CCDC158: variants seen among roughly 807,000 people sequenced by gnomAD.
CCDC158 encodes the protein coiled-coil domain containing 158.
A neutral mutation model predicts 138.6 loss-of-function variants in CCDC158; 116 were observed. The ratio of observed to expected loss-of-function variants is 0.84; its 90% CI spans 0.72 to 0.98. The LOEUF is 0.98. Ranked by LOEUF, CCDC158 falls within the 50% of genes least tolerant of loss-of-function variation. The probability of loss-of-function intolerance (pLI) is 0.00; values close to 1 mark genes in which losing one functional copy is unlikely to be tolerated. For synonymous variants in CCDC158, 436 were observed against 442.4 expected, an observed-to-expected ratio of 0.99 and a Z score of 0.18; for missense variants, 1,265 against 1,306.1, an observed-to-expected ratio of 0.97 and a Z score of 0.48.
intron 4 of CCDC158, among the ~76,000 whole-genome samples, chr4:76,394,681 C>T (rs1727616256): frequency 6.6e-6 from 1 of 151,798 alleles, no homozygotes; most frequent in Non-Finnish European, 1.5e-5. Context: ...GATGGAAACC[C>T]AATTTTTCAT....
At chr4:76,408,945 GC>G (rs1447717374) in intron 2 of CCDC158, among the ~76,000 whole-genome samples, 3 of 152,130 alleles carry the variant, frequency 2.0e-5, no homozygotes, top group African/African-American at 7.2e-5. Context: ...GTGATGATGA[GC>G]ATTTTTTCAC....
chr4:76,345,262 G>A (rs1050811272), intron 18 of CCDC158: 15 of 936,880 alleles, frequency 1.6e-5, no homozygotes, highest in South Asian at 2.6e-5. Flanking sequence ...GAGCTCCAAC[G>A]ATACTACATG....
chr4:76,371,143 A>G (rs1179249590), intron 10 of CCDC158, among the ~76,000 whole-genome samples: 1 of 152,190 alleles, frequency 6.6e-6, no homozygotes, highest in African/African-American at 2.4e-5. Flanking sequence ...ACACTACTTC[A>G]ATTTAATGGA....
intron 12 of CCDC158, among the ~76,000 whole-genome samples, chr4:76,366,931 G>A (rs1250392379): frequency 3.9e-5 from 6 of 152,048 alleles, no homozygotes; most frequent in Non-Finnish European, 8.8e-5. Context: ...AGATATCGAA[G>A]CCAAGATTCA....
At chr4:76,336,681 C>CA (rs1721542241) in intron 18 of CCDC158, among the ~76,000 whole-genome samples, 1 of 152,168 alleles carries the variant, frequency 6.6e-6, no homozygotes, top group Non-Finnish European at 1.5e-5. Context: ...ACAAGCATAA[C>CA]ATAACCTTGT....
chr4:76,407,537 T>C (rs1478751227), intron 2 of CCDC158, among the ~76,000 whole-genome samples: 2 of 152,140 alleles, frequency 1.3e-5, no homozygotes, highest in African/African-American at 4.8e-5. Flanking sequence ...ACGAGTTTCA[T>C]TGTGAATGTT....
chr4:76,362,349 G>C, intron 12 of CCDC158, 34 bp from the exon 13 acceptor site: 1 of 1,498,280 alleles, frequency 6.7e-7, no homozygotes, highest in Admixed American at 1.8e-5. Flanking sequence ...GGATAGAGAA[G>C]TAAAAAATAT....
intron 24 of CCDC158, among the ~76,000 whole-genome samples, chr4:76,315,389 C>T (rs1198120775): frequency 6.6e-6 from 1 of 152,170 alleles, no homozygotes; most frequent in East Asian, 1.9e-4. Context: ...CTGCACATCA[C>T]CCGATAAACC....
intron 18 of CCDC158, among the ~76,000 whole-genome samples, chr4:76,340,479 A>G (rs1397006227): frequency 6.6e-6 from 1 of 152,240 alleles, no homozygotes; most frequent in Non-Finnish European, 1.5e-5. Flanking sequence ...GACAACTTCA[A>G]ATCTCCCTAT....
At chr4:76,387,117 T>A (rs1236586167) in intron 4 of CCDC158, among the ~76,000 whole-genome samples, 4 of 152,098 alleles carry the variant, frequency 2.6e-5, no homozygotes, top group Non-Finnish European at 1.5e-5. Flanking sequence ...GCTTGCACCA[T>A]CCCTTTCCCA....
chr4:76,380,812 G>A (rs1726165737), intron 8 of CCDC158, among the ~76,000 whole-genome samples: 1 of 152,206 alleles, frequency 6.6e-6, no homozygotes, highest in Non-Finnish European at 1.5e-5. Flanking sequence ...GGAAGAAATG[G>A]TTTTGTAAGC....
chr4:76,413,943 C>T (rs1279876358), intron 1 of CCDC158, among the ~76,000 whole-genome samples: 2 of 151,938 alleles, frequency 1.3e-5, no homozygotes, highest in Non-Finnish European at 2.9e-5. Flanking sequence ...TTTCTTTTTT[C>T]TTTCTTTCTT....
chr4:76,383,955 TG>T, intron 6 of CCDC158, 132 bp downstream of exon 6: 2 of 756,440 alleles, frequency 2.6e-6, no homozygotes, highest in Non-Finnish European at 4.2e-6. Context: ...GAGATTACTG[TG>T]GAAGTAACTT....
Position 76,382,709 on chromosome 4 carries a change from A to G in CCDC158, c.815T>C (p.Leu272Ser), listed in dbSNP as rs1356813064. 15 of 1,607,986 alleles carry G rather than the reference A, an allele frequency of 9.3e-6. No individual in the cohort carries two copies. The African/African-American group carries it at 1.3e-4, about 14-fold the overall frequency. The change falls in exon 8 of 25, where the codon TTA (leucine) becomes TCA (serine). Residue 272 changes from leucine to serine, a missense_variant. Coordinates refer to ENST00000682701, the MANE Select transcript of CCDC158 (RefSeq NM_001394954.1). ...LQQHQDRIEQ[L>S]ISEHEVEITG... ...TATTTCAACTTCATGTTCACTTATT[A>G]ACTGCTCAATCCTATAAAAAGAATG... is the stretch of plus-strand genomic sequence containing the variant.
intron 4 of CCDC158, among the ~76,000 whole-genome samples, chr4:76,390,070 A>T (rs1390657692): frequency 6.6e-6 from 1 of 152,138 alleles, no homozygotes; most frequent in Non-Finnish European, 1.5e-5. Context: ...ACAATATAAC[A>T]CTGTAATTGT....
intron 18 of CCDC158, among the ~76,000 whole-genome samples, chr4:76,343,589 C>A (rs1039634912): frequency 2.0e-5 from 3 of 152,078 alleles, no homozygotes; most frequent in Non-Finnish European, 4.4e-5. Context: ...CCGAGGCAGG[C>A]GGATCACTTG....
rs551934203 is a variant in CCDC158, at chr4:76,405,806, T to C, written c.-73-2526A>G. Among the ~76,000 whole-genome samples, 6 of 152,148 alleles carry C rather than the reference T, an allele frequency of 3.9e-5. No homozygotes were observed. In the East Asian group the frequency reaches 1.2e-3, roughly 29 times the overall value. On this transcript the variant is annotated intron_variant, in intron 2 of 24. Coordinates refer to ENST00000682701, the MANE Select transcript of CCDC158 (RefSeq NM_001394954.1). ...AAAAAGCAGGTTTAAAAGTGCACTA[T>C]AAAAAGCATAAGTACAAAAGTAACC...
chr4:76,349,558 A>C (rs1384583706), intron 18 of CCDC158, among the ~76,000 whole-genome samples: 1 of 152,154 alleles, frequency 6.6e-6, no homozygotes, highest in Non-Finnish European at 1.5e-5. Context: ...AGTCCCAGCT[A>C]CTAGGGAGGC....
At chr4:76,397,933 G>C (rs1727977609) in intron 3 of CCDC158, among the ~76,000 whole-genome samples, 2 of 152,130 alleles carry the variant, frequency 1.3e-5, no homozygotes, top group Non-Finnish European at 2.9e-5. Flanking sequence ...AAAATACAAG[G>C]TGAGCCTGAA....
Sources: allele counts gnomAD v4.1 joint callset (sites outside exome capture counted in the v4.1 genomes callset), GRCh38; gene constraint gnomAD v4.1.1; transcripts MANE v1.5; gene names NCBI Gene and HGNC (gene_info 2026-07-23, HGNC 2026-07-21).